ERBB4: variants seen among roughly 807,000 people sequenced by gnomAD.
ERBB4 encodes the protein receptor tyrosine-protein kinase erbB-4.
A neutral mutation model predicts 158.0 loss-of-function variants in ERBB4; 42 were observed. The ratio of observed to expected loss-of-function variants is 0.27; its 90% CI spans 0.21 to 0.34. ERBB4 has a LOEUF of 0.34. Among genes scored for constraint, ERBB4 ranks in the 10% least tolerant of loss-of-function variants. ERBB4 has a pLI of 1.00. For missense variants in ERBB4, 1,333 were observed against 1,624.1 expected (o/e 0.82, Z 3.08); for synonymous variants, 583 against 558.7 (o/e 1.04, Z -0.61).
At chr2:211,953,282 T>C (rs903466400) in intron 2 of ERBB4, among the ~76,000 whole-genome samples, 5 of 151,850 alleles carry the variant, frequency 3.3e-5, no homozygotes, top group African/African-American at 4.8e-5. Flanking sequence ...ATACCTAATG[T>C]AGGTGACGGG....
At chr2:212,057,226 C>A (rs903398016) in intron 2 of ERBB4, among the ~76,000 whole-genome samples, 7 of 152,184 alleles carry the variant, frequency 4.6e-5, no homozygotes, top group Non-Finnish European at 7.4e-5. Context: ...ACAAGAAGAG[C>A]TAACTGTTCT....
rs111970259 is a variant in ERBB4 at position 212,079,149 on chromosome 2, C to T, written c.234+45603G>A. Among the ~76,000 whole-genome samples, 527 of 151,030 alleles carry T rather than the reference C, an allele frequency of 3.5e-3. 1 individual carries two copies. The highest frequency in any genetic ancestry group is 0.012 in the African/African-American group (502 of 41,292). On this transcript the variant is annotated intron_variant, in intron 2 of 27. Coordinates refer to ENST00000342788, the MANE Select transcript of ERBB4 (RefSeq NM_005235.3). The stretch of plus-strand genomic sequence containing the variant: ...TTTTTATATATATGTATCAGATATA[C>T]ACATAATTTTCTGGAGCTGGAAATA...
chr2:212,257,224 T>G (rs2084770760), intron 1 of ERBB4, among the ~76,000 whole-genome samples: 1 of 152,180 alleles, frequency 6.6e-6, no homozygotes, highest in South Asian at 2.1e-4. Flanking sequence ...ACAAGTCAAT[T>G]TTACTTATAA....
chr2:211,876,218 A>G (rs2078497253), intron 3 of ERBB4, among the ~76,000 whole-genome samples: 1 of 152,158 alleles, frequency 6.6e-6, no homozygotes, highest in Non-Finnish European at 1.5e-5. Flanking sequence ...ACACTTAGAG[A>G]ATACCAATTT....
Position 211,408,382 on chromosome 2 carries a change from T to C in ERBB4, c.3135+12059A>G, listed in dbSNP as rs866695186. Among the ~76,000 whole-genome samples the C allele has an allele frequency of 3.9e-5, 6 of 152,316 alleles. No individual in the cohort carries two copies. The Middle Eastern group carries it at 0.014, about 345-fold the overall frequency. ...ATCCTCTCTAGTTGTCCCTCCCACC[T>C]CTTTGTGTCCTTTTCCAGCTCTGAT... is the stretch of plus-strand genomic sequence containing the variant. On this transcript the variant is annotated intron_variant, in intron 25 of 27. Transcript: ENST00000342788.
chr2:212,519,892 T>C (rs1692057158), intron 1 of ERBB4, among the ~76,000 whole-genome samples: 2 of 151,894 alleles, frequency 1.3e-5, no homozygotes. Context: ...ATTGTATATT[T>C]TCAAAAAGTT....
chr2:212,132,113 G>A (rs1575678526), intron 1 of ERBB4, among the ~76,000 whole-genome samples: 1 of 152,026 alleles, frequency 6.6e-6, no homozygotes, highest in East Asian at 1.9e-4. Context: ...TTACACAATA[G>A]TATTTAAGTT....
intron 3 of ERBB4, among the ~76,000 whole-genome samples, chr2:211,874,533 T>C (rs1364388242): frequency 6.6e-6 from 1 of 152,194 alleles, no homozygotes; most frequent in African/African-American, 2.4e-5. Flanking sequence ...ATAAATTAGG[T>C]AAAATTTAGG....
intron 1 of ERBB4, among the ~76,000 whole-genome samples, chr2:212,362,104 T>C (rs2089710371): frequency 1.3e-5 from 2 of 151,708 alleles, no homozygotes; most frequent in East Asian, 3.9e-4. Context: ...ATAATAAATA[T>C]TTAGTTTTAA....
chr2:211,417,486 A>C (rs887380675), intron 25 of ERBB4, among the ~76,000 whole-genome samples: 1 of 152,116 alleles, frequency 6.6e-6, no homozygotes, highest in Non-Finnish European at 1.5e-5. Flanking sequence ...AAAAGAAAAA[A>C]TTTTAAGGTA....
At chr2:212,197,013 T>C (rs1246252051) in intron 1 of ERBB4, among the ~76,000 whole-genome samples, 1 of 152,124 alleles carries the variant, frequency 6.6e-6, no homozygotes, top group South Asian at 2.1e-4. Flanking sequence ...GTTGTTTTTT[T>C]CTTTCGTTTT....
chr2:211,750,642 T>A lies in ERBB4; in HGVS notation c.619A>T (p.Thr207Ser). The change falls in exon 5 of 28, where the codon ACT becomes TCT. Residue 207 changes from threonine (T) to serine (S), a missense_variant. Thr to Ser is a moderately conservative substitution (Grantham distance 58). Around this residue, in one of 5 missense-constraint regions of ERBB4, gnomAD observed 438 missense variants for 586.9 expected, o/e 0.75. Transcript: ENST00000342788. ...CWGPTENHCQ[T>S]LTRTVCAEQC... ...GCTCTCACTGATGAACACTTACAAG[T>A]CTGGCAATGATTTTCTGTGGGTCCC... 6.2e-7 allele frequency: 1 copy of A among 1,613,694 alleles called. No homozygotes were observed. Among genetic ancestry groups the A allele is most frequent in the Non-Finnish European group, 8.5e-7 (1 of 1,179,662 alleles).
intron 3 of ERBB4, among the ~76,000 whole-genome samples, chr2:211,929,234 AGTGTGTGT>A (rs10542155): frequency 6.7e-5 from 10 of 148,454 alleles, no homozygotes; most frequent in African/African-American, 1.7e-4. Flanking sequence ...CTTTGGAATA[AGTGTGTGT>A]GTGTGTGTGT....
At chr2:212,235,555 T>C (rs898307600) in intron 1 of ERBB4, among the ~76,000 whole-genome samples, 1 of 152,236 alleles carries the variant, frequency 6.6e-6, no homozygotes, top group African/African-American at 2.4e-5. Context: ...TAAATTACTT[T>C]GGGCAGTTTG....
chr2:212,457,791 C>A (rs1171299561), intron 1 of ERBB4, among the ~76,000 whole-genome samples: 1 of 151,872 alleles, frequency 6.6e-6, no homozygotes, highest in Non-Finnish European at 1.5e-5. Flanking sequence ...AATCCAAACA[C>A]AATATTCTTT....
chr2:211,901,817 C>T (rs547029253), intron 3 of ERBB4, among the ~76,000 whole-genome samples: 2 of 152,086 alleles, frequency 1.3e-5, no homozygotes, highest in South Asian at 4.1e-4. Flanking sequence ...GAATGCTGCA[C>T]CCATGAGCAT....
chr2:211,404,644 GTGTT>G (rs879934899), intron 25 of ERBB4, among the ~76,000 whole-genome samples: 2 of 151,890 alleles, frequency 1.3e-5, no homozygotes, highest in Non-Finnish European at 2.9e-5. Flanking sequence ...TCTTGGTTAA[GTGTT>G]TGTTTGTGTA....
intron 2 of ERBB4, among the ~76,000 whole-genome samples, chr2:212,068,001 T>G (rs929356473): frequency 4.6e-5 from 7 of 152,082 alleles, no homozygotes; most frequent in Non-Finnish European, 1.0e-4. Context: ...GACTACTTAG[T>G]TAAAATGGAT....
At chr2:211,795,284 A>T (rs950807815) in intron 3 of ERBB4, among the ~76,000 whole-genome samples, 5 of 151,862 alleles carry the variant, frequency 3.3e-5, no homozygotes, top group African/African-American at 1.2e-4. Context: ...TTTTGTTTCA[A>T]CAAAGCAAAG....
Sources: gnomAD v4.1 joint callset for allele counts (sites outside exome capture counted in the v4.1 genomes callset) on GRCh38, gnomAD v4.1.1 for gene constraint, gnomAD v4.1.1 regional missense constraint, MANE v1.5 for transcripts, NCBI Gene and HGNC (gene_info 2026-07-23, HGNC 2026-07-21) for gene names.